ANO2: variants seen among roughly 807,000 people sequenced by gnomAD.
ANO2 encodes anoctamin-2.
A neutral mutation model predicts 124.2 loss-of-function variants in ANO2; 101 were observed. The ratio of observed to expected loss-of-function variants is 0.81; its 90% confidence interval spans 0.69 to 0.96. The LOEUF is 0.96. Among genes scored for constraint, ANO2 ranks in the 40% least tolerant of loss-of-function variants. The pLI is 0.00. For missense variants in ANO2, 1,293 were observed against 1,274.5 expected (o/e 1.01, Z -0.22); for synonymous variants, 486 against 482.5 (o/e 1.01, Z -0.09).
chr12:5,771,099 G>A (rs1395898230), intron 10 of ANO2, among the ~76,000 whole-genome samples: 2 of 152,224 alleles, frequency 1.3e-5, no homozygotes, highest in African/African-American at 4.8e-5. Flanking sequence ...AGCTCCATGA[G>A]AGCAGAGACT....
At chr12:5,589,915 G>A (rs1055299862) in intron 20 of ANO2, among the ~76,000 whole-genome samples, 7 of 152,234 alleles carry the variant, frequency 4.6e-5, no homozygotes, top group Admixed American at 2.0e-4. Context: ...GCCTCGCTAG[G>A]AGCACGGGAA....
At chr12:5,834,583 A>G (rs752033719) in intron 4 of ANO2, among the ~76,000 whole-genome samples, 5 of 152,264 alleles carry the variant, frequency 3.3e-5, no homozygotes, top group African/African-American at 7.2e-5. Context: ...TAAAATAATG[A>G]TAAGTAAGGA....
chr12:5,690,244 T>C (rs747932452), intron 14 of ANO2, among the ~76,000 whole-genome samples: 5 of 152,074 alleles, frequency 3.3e-5, no homozygotes, highest in Non-Finnish European at 4.4e-5. Flanking sequence ...CAGAATCCAG[T>C]CCCAAAGTCA....
intron 7 of ANO2, among the ~76,000 whole-genome samples, chr12:5,808,061 T>C (rs893714579): frequency 6.6e-6 from 1 of 152,292 alleles, no homozygotes; most frequent in Admixed American, 6.5e-5. Context: ...TTGTGTATTC[T>C]TGCACTTTCA....
chr12:5,563,688 G>T (rs1173025816), intron 24 of ANO2, 120 bp from the exon 25 acceptor site: 6 of 1,290,754 alleles, frequency 4.6e-6, no homozygotes, highest in African/African-American at 1.5e-5. Flanking sequence ...CCCAGTGATC[G>T]CAACCAGTGA....
At position 5,563,473 on chromosome 12, in the gene ANO2, T is replaced by C. The variant is rs578224921; in HGVS notation, c.2823A>G (p.Leu941=). 4 of 1,613,958 alleles carry C rather than the reference T, an allele frequency of 2.5e-6. No individual in the cohort carries two copies. Among genetic ancestry groups the C allele is most frequent in the Admixed American group, 3.3e-5 (2 of 60,036 alleles). ...GCTCCTCTTTCAGGAAGAAATCCAC[T>C]AATAAGCTCTTCTCTTTCTTGATCT... ...SDQIKKEKSL[L]VDFFLKEEHE... Residue 941 remains leucine (L), a synonymous_variant, in exon 25 of 25, where the codon TTA becomes TTG. Transcript: ENST00000682330.
At chr12:5,645,781 AG>A (rs1946609447) in intron 15 of ANO2, among the ~76,000 whole-genome samples, 2 of 151,996 alleles carry the variant, frequency 1.3e-5, no homozygotes, top group African/African-American at 4.8e-5. Context: ...TGATTTTTTG[AG>A]GCCTGGCATA....
chr12:5,745,748 T>C (rs1371030734), intron 11 of ANO2, among the ~76,000 whole-genome samples: 2 of 152,106 alleles, frequency 1.3e-5, no homozygotes, highest in Admixed American at 1.3e-4. Context: ...CCCCAGTTCC[T>C]CCACTGACTC....
At chr12:5,877,586 CT>C (rs1235649122) in intron 3 of ANO2, among the ~76,000 whole-genome samples, 1 of 152,192 alleles carries the variant, frequency 6.6e-6, no homozygotes, top group Non-Finnish European at 1.5e-5. Flanking sequence ...CTTGGGCAAG[CT>C]ATTTAACTTT....
chr12:5,695,782 G>A (rs1459720683), intron 14 of ANO2, among the ~76,000 whole-genome samples: 1 of 151,794 alleles, frequency 6.6e-6, no homozygotes, highest in Non-Finnish European at 1.5e-5. Context: ...CGGAGGTTTT[G>A]TTGAGCCGAG....
intron 3 of ANO2, among the ~76,000 whole-genome samples, chr12:5,877,608 A>G (rs959279154): frequency 2.0e-5 from 3 of 152,230 alleles, no homozygotes; most frequent in African/African-American, 7.2e-5. Context: ...CCTCTGCCTC[A>G]GTTTCCCCTG....
rs1052429756 is a variant in ANO2, at chr12:5,862,364, G to A, written c.535-8223C>T. ...AGACTTCACCTGGTTCCCAACCAAC[G>A]ACCAGGGACAACCCAGGGTCCTATG... On this transcript the variant is annotated intron_variant, in intron 3 of 24. Transcript: ENST00000682330. This position sits in a 1 kb window ranked among gnomAD's most constrained non-coding sequence, Gnocchi z 4.0. Among the ~76,000 whole-genome samples, 1 of 152,088 alleles carries A rather than the reference G, an allele frequency of 6.6e-6. No individual in the cohort carries two copies. The highest frequency in any genetic ancestry group is 2.1e-4 in the South Asian group (1 of 4,820).
chr12:5,766,482 T>C (rs1488166838), intron 10 of ANO2, among the ~76,000 whole-genome samples: 2 of 152,238 alleles, frequency 1.3e-5, no homozygotes, highest in Non-Finnish European at 1.5e-5. Context: ...CTTCTATTTA[T>C]ATTAAGTTCA....
At chr12:5,677,829 T>C (rs1200178107) in intron 14 of ANO2, among the ~76,000 whole-genome samples, 2 of 152,202 alleles carry the variant, frequency 1.3e-5, no homozygotes, top group African/African-American at 4.8e-5. Flanking sequence ...TTCCCTGCCG[T>C]TCCCACTTCC....
At chr12:5,855,164 A>G (rs1452356126) in intron 3 of ANO2, among the ~76,000 whole-genome samples, 4 of 152,306 alleles carry the variant, frequency 2.6e-5, no homozygotes, top group East Asian at 3.9e-4. Context: ...CTGATAGCAC[A>G]ATCCTTCATT....
intron 7 of ANO2, among the ~76,000 whole-genome samples, chr12:5,810,152 G>T (rs1953341962): frequency 6.6e-6 from 1 of 152,166 alleles, no homozygotes; most frequent in Non-Finnish European, 1.5e-5. Context: ...TTTTCAGGTG[G>T]TATCCTATGG....
At position 5,923,045 on chromosome 12, in the gene ANO2, C is replaced by T. The variant is rs1392324070; in HGVS notation, c.23-241G>A. Among the ~76,000 whole-genome samples the T allele has an allele frequency of 2.1e-5, 3 of 139,768 alleles. 1 individual carries two copies. Among genetic ancestry groups the T allele is most frequent in the Admixed American group, 1.4e-4 (2 of 14,220 alleles). The allele number at this position is 139,768 out of a possible 152,430, so 91.7% of individuals were successfully genotyped here. On this transcript the variant is annotated intron_variant, in intron 1 of 24. Transcript: ENST00000682330. ...GCACACACACATACACACACATGCA[C>T]GCACACACACCCACATACACACACA...
At chr12:5,914,193 C>G (rs767963212) in intron 3 of ANO2, among the ~76,000 whole-genome samples, 8 of 114,482 alleles carry the variant, frequency 7.0e-5, no homozygotes, top group Non-Finnish European at 1.5e-4. Context: ...GAGTGAGACT[C>G]CATCTCAAAA....
At position 5,575,896 on chromosome 12, in the gene ANO2, G is replaced by A. The variant is rs1942371679; in HGVS notation, c.2559C>T (p.Ser853=). 16 of 1,613,848 alleles carry A rather than the reference G, an allele frequency of 9.9e-6. No individual in the cohort carries two copies. Among genetic ancestry groups the A allele is most frequent in the East Asian group, 2.2e-5 (1 of 44,868 alleles). ...CTGGCTGCGTCCCCTCCTTCAGCTG[G>A]CTGACGTTGAAAAAGGAGAGGGTGT... The part of the protein sequence containing the change: ...VNHTLSFFNV[S]QLKEGTQPEN... The change falls in exon 23 of 25, where the codon AGC becomes AGT. Residue 853 remains serine, a synonymous_variant. Transcript: ENST00000682330.
Sources: gnomAD v4.1 joint callset for allele counts (sites outside exome capture counted in the v4.1 genomes callset) on GRCh38, gnomAD v4.1.1 for gene constraint, Gnocchi (gnomAD v3.1) non-coding constraint, MANE v1.5 for transcripts, NCBI Gene and HGNC (gene_info 2026-07-23, HGNC 2026-07-21) for gene names.